Variants in MAML3 observed in about 807,000 individuals in gnomAD.
The protein encoded by MAML3 is mastermind-like protein 3.
In MAML3, 27 loss-of-function variants were observed where a neutral mutation model predicts 101.9. That is an observed-to-expected ratio of 0.27 (90% CI 0.20 to 0.37). MAML3 has a LOEUF of 0.37. Among genes scored for constraint, MAML3 ranks in the 10% least tolerant of loss-of-function variants. MAML3 has a pLI of 1.00. For missense variants in MAML3, 1,316 were observed against 1,444.9 expected, an observed-to-expected ratio of 0.91 and a Z score of 1.45; for synonymous variants, 501 against 555.9, an observed-to-expected ratio of 0.90 and a Z score of 1.39.
intron 1 of MAML3, among the ~76,000 whole-genome samples, chr4:139,902,239 GCGCGCACGCACA>G (rs1732738358): frequency 7.6e-6 from 1 of 132,310 alleles, no homozygotes; most frequent in Admixed American, 8.4e-5. Context: ...ACACACGCAG[GCGCGCACGCACA>G]CGCACACACA....
intron 1 of MAML3, among the ~76,000 whole-genome samples, chr4:139,919,747 G>A (rs559147742): frequency 4.3e-4 from 66 of 152,186 alleles, no homozygotes; most frequent in Non-Finnish European, 8.1e-4. Context: ...TATAACTATT[G>A]AGTCTTCATT....
chr4:139,920,252 C>G (rs78187781), intron 1 of MAML3, among the ~76,000 whole-genome samples: 2,589 of 152,246 alleles, frequency 0.017, 73 homozygotes, highest in African/African-American at 0.059. Context: ...TAAGTCAGAA[C>G]AAAGTGTGAC....
intron 1 of MAML3, among the ~76,000 whole-genome samples, chr4:140,073,082 C>G (rs538021649): frequency 3.1e-4 from 47 of 151,776 alleles, no homozygotes; most frequent in Middle Eastern, 7.0e-3. Flanking sequence ...TATGGGAGAA[C>G]TGGAAATCAA....
chr4:140,112,779 T>C (rs1294335694), intron 1 of MAML3, among the ~76,000 whole-genome samples: 1 of 152,198 alleles, frequency 6.6e-6, no homozygotes, highest in Non-Finnish European at 1.5e-5. Context: ...TTTATCACAT[T>C]CCACTTGTCG....
chr4:139,758,191 T>C (rs1729690013), intron 2 of MAML3, among the ~76,000 whole-genome samples: 1 of 152,144 alleles, frequency 6.6e-6, no homozygotes. Context: ...CCTCCACAGG[T>C]CAACTCAGGA....
At chr4:139,975,209 C>T (rs1040859712) in intron 1 of MAML3, among the ~76,000 whole-genome samples, 4 of 152,098 alleles carry the variant, frequency 2.6e-5, no homozygotes, top group African/African-American at 9.7e-5. Context: ...GCCTTATGTC[C>T]TCCTCTCCCA....
intron 1 of MAML3, among the ~76,000 whole-genome samples, chr4:140,099,086 CA>C (rs1397572563): frequency 1.3e-5 from 2 of 151,922 alleles, no homozygotes; most frequent in Non-Finnish European, 1.5e-5. Flanking sequence ...AATTTATGCA[CA>C]AAAAAATAAG....
intron 1 of MAML3, among the ~76,000 whole-genome samples, chr4:139,944,322 C>T (rs2110745173): frequency 6.6e-6 from 1 of 152,262 alleles, no homozygotes; most frequent in Non-Finnish European, 1.5e-5. Context: ...AATGCTATCC[C>T]TCCCCCTTCC....
At chr4:140,032,878 G>GT (rs1266634247) in intron 1 of MAML3, among the ~76,000 whole-genome samples, 4 of 32,518 alleles carry the variant, frequency 1.2e-4, no homozygotes, top group Non-Finnish European at 2.5e-4. Flanking sequence ...CTCATTGTTT[G>GT]TAAAAAAAAA....
At chr4:139,923,295 T>C (rs1733161168) in intron 1 of MAML3, among the ~76,000 whole-genome samples, 1 of 152,250 alleles carries the variant, frequency 6.6e-6, no homozygotes, top group East Asian at 1.9e-4. Flanking sequence ...CACCACACTC[T>C]GCCCCCTTCC....
rs1560826809 is a variant in MAML3, at chr4:139,890,423, T to C, written c.1013A>G (p.Glu338Gly). Residue 338 changes from glutamate (E) to glycine (G), a missense_variant, in exon 2 of 5, where the codon GAG becomes GGG. Physicochemically the swap from Glu to Gly is moderately conservative, Grantham distance 98. Transcript: ENST00000509479. The surrounding 1 kb of genome is among the most constrained non-coding windows in gnomAD (Gnocchi z 4.1). ...LFNEDFEEKK[E>G]PEFSQPATET... ...AGTTGCTGGCTGCGAGAATTCTGGCTCCTTCTTCTCTTCAAAGTCTTCGTT... is the reference window on the plus strand; with the variant it reads ...AGTTGCTGGCTGCGAGAATTCTGGCCCCTTCTTCTCTTCAAAGTCTTCGTT... The C allele has an allele frequency of 6.2e-7, 1 of 1,607,038 alleles. No individual in the cohort carries two copies. The highest frequency in any genetic ancestry group is 1.3e-5 in the African/African-American group (1 of 74,652).
chr4:139,931,887 C>A (rs934137812), intron 1 of MAML3, among the ~76,000 whole-genome samples: 1 of 151,726 alleles, frequency 6.6e-6, no homozygotes, highest in African/African-American at 2.4e-5. Context: ...GGCATGATGG[C>A]TGGCACCTGT....
At chr4:140,126,023 G>A (rs965925379) in intron 1 of MAML3, among the ~76,000 whole-genome samples, 7 of 152,104 alleles carry the variant, frequency 4.6e-5, no homozygotes, top group Admixed American at 1.3e-4. Flanking sequence ...TGATCCACCC[G>A]CCTTGGCTTC....
At chr4:139,980,158 G>A (rs1734419206) in intron 1 of MAML3, among the ~76,000 whole-genome samples, 1 of 152,174 alleles carries the variant, frequency 6.6e-6, no homozygotes, top group Non-Finnish European at 1.5e-5. Flanking sequence ...GTTCAGACAA[G>A]CCTCTTTATC....
intron 1 of MAML3, among the ~76,000 whole-genome samples, chr4:140,108,790 C>G (rs577376429): frequency 2.0e-4 from 31 of 151,940 alleles, no homozygotes; most frequent in African/African-American, 7.5e-4. Context: ...GAAGAATATG[C>G]CAAAGAAGAT....
At chr4:139,746,293 AT>A (rs756504948) in intron 2 of MAML3, among the ~76,000 whole-genome samples, 2 of 152,262 alleles carry the variant, frequency 1.3e-5, no homozygotes, top group Non-Finnish European at 2.9e-5. Flanking sequence ...TTCTAACAAA[AT>A]AATTCATCAG....
Position 139,930,134 on chromosome 4 carries a change from T to C in MAML3, c.469-39167A>G, listed in dbSNP as rs545913074. Among the ~76,000 whole-genome samples the C allele has an allele frequency of 1.7e-4, 26 of 152,330 alleles. No homozygotes were observed. In the East Asian group the frequency reaches 4.2e-3, roughly 25 times the overall value. Reference sequence around the variant, plus strand: ...GACACAATTCCCACAGAATTATAGATAATTTTCATTTCAGAAAAGAAGATA... The same window carrying C: ...GACACAATTCCCACAGAATTATAGACAATTTTCATTTCAGAAAAGAAGATA... On this transcript the variant is annotated intron_variant, in intron 1 of 4. Coordinates refer to ENST00000509479, the MANE Select transcript of MAML3 (RefSeq NM_018717.5).
chr4:140,150,714 A>T (rs1199214115), intron 1 of MAML3, among the ~76,000 whole-genome samples: 1 of 151,658 alleles, frequency 6.6e-6, no homozygotes, highest in Non-Finnish European at 1.5e-5. Flanking sequence ...TCTCAGTCTC[A>T]GGTTCACAAA....
At chr4:139,773,233 A>T (rs1026009373) in intron 2 of MAML3, among the ~76,000 whole-genome samples, 3 of 152,128 alleles carry the variant, frequency 2.0e-5, no homozygotes, top group African/African-American at 4.8e-5. Flanking sequence ...AACAGAAAAA[A>T]GGCAGAAGAG....
Sources: allele counts gnomAD v4.1 joint callset (sites outside exome capture counted in the v4.1 genomes callset), GRCh38; gene constraint gnomAD v4.1.1; non-coding constraint Gnocchi (gnomAD v3.1); transcripts MANE v1.5; gene names NCBI Gene and HGNC (gene_info 2026-07-23, HGNC 2026-07-21).